Variants in TTC39B observed in about 807,000 individuals in gnomAD.
The protein encoded by TTC39B is tetratricopeptide repeat protein 39B.
Under a neutral mutation model 96.6 loss-of-function variants are expected in TTC39B, and 92 were observed. That is an observed-to-expected ratio of 0.95 (90% CI 0.80 to 1.13). The LOEUF is 1.13. Among genes scored for constraint, TTC39B ranks in the 50% most tolerant of loss-of-function variants. The pLI, the probability that TTC39B is intolerant of heterozygous loss-of-function variation, is 0.00. For synonymous variants in TTC39B, 367 were observed against 299.4 expected, an observed-to-expected ratio of 1.23 and a Z score of -2.33; for missense variants, 955 against 809.3, an observed-to-expected ratio of 1.18 and a Z score of -2.18.
intron 1 of TTC39B, among the ~76,000 whole-genome samples, chr9:15,295,157 G>T (rs1477449628): frequency 6.6e-6 from 1 of 152,122 alleles, no homozygotes; most frequent in Non-Finnish European, 1.5e-5. Flanking sequence ...AAGGTCAGAA[G>T]TTTGCTGACC....
At chr9:15,253,479 C>T (rs1033792107) in intron 2 of TTC39B, among the ~76,000 whole-genome samples, 3 of 152,210 alleles carry the variant, frequency 2.0e-5, no homozygotes, top group African/African-American at 4.8e-5. Flanking sequence ...CCATGGGACA[C>T]CTTGGTTTTG....
At chr9:15,171,154 G>C (rs962555829) in exon 20 of TTC39B, 2 of 152,136 alleles carry the variant, frequency 1.3e-5, no homozygotes, top group Admixed American at 1.3e-4. Context: ...GTGCTAGAGA[G>C]ATTAGAAAAC....
rs1236322591 is a variant in TTC39B, at chr9:15,267,911, T to C, written c.275+3A>G. The stretch of plus-strand genomic sequence containing the variant: ...ACATACTTTTTATTATGTTATTACT[T>C]ACATTGAGATGGTTTCCAAGGCATC... On this transcript the variant is annotated splice_donor_region_variant and intron_variant, in intron 2 of 19. Transcript: ENST00000512701. 6.2e-7 allele frequency: 1 copy of C among 1,608,364 alleles called. No individual in the cohort carries two copies. Among genetic ancestry groups the C allele is most frequent in the Non-Finnish European group, 8.5e-7 (1 of 1,177,906 alleles).
chr9:15,261,574 T>C (rs577008478), intron 2 of TTC39B, among the ~76,000 whole-genome samples: 2 of 152,250 alleles, frequency 1.3e-5, no homozygotes, highest in African/African-American at 4.8e-5. Context: ...CCAACTTCAT[T>C]TGTGTCCAGG....
At chr9:15,290,040 C>T (rs886855305) in intron 1 of TTC39B, among the ~76,000 whole-genome samples, 2 of 152,168 alleles carry the variant, frequency 1.3e-5, no homozygotes, top group African/African-American at 2.4e-5. Flanking sequence ...TTATCCTAAT[C>T]ATATATAATG....
In TTC39B at chr9:15,251,700, C is replaced by T. The variant is rs1215115; in HGVS notation, c.275+16214G>A. ...ACACACACACACACACATACATATA[C>T]ATATATATATATATATATATATATA... On this transcript the variant is annotated intron_variant, in intron 2 of 19. Coordinates refer to ENST00000512701, the Ensembl canonical transcript of TTC39B. Among the ~76,000 whole-genome samples the T allele has an allele frequency of 5.2e-3, 514 of 98,206 alleles. 3 individuals are homozygous for T. Among genetic ancestry groups the T allele is most frequent in the Non-Finnish European group, 7.0e-3 (327 of 46,416 alleles). The allele number at this position is 98,206 out of a possible 152,430, so 64.4% of individuals were successfully genotyped here. A position where few individuals can be genotyped will look rare whatever the true frequency, so the allele number is the denominator to read the frequency against.
chr9:15,209,950 T>C lies in TTC39B; in HGVS notation c.691+138A>G, dbSNP rs920000386. 5.2e-5 allele frequency: 34 copies of C among 651,350 alleles called. No homozygotes were observed. In the African/African-American group the frequency reaches 6.2e-4, roughly 12 times the overall value. The allele number at this position is 651,350 out of a possible 1,614,324, so 40.3% of individuals were successfully genotyped here. On this transcript the variant is annotated intron_variant, in intron 6 of 19. Transcript: ENST00000512701. ...CTTCAAAATGAACTATTAACAATGA[T>C]TTCTTCCAGAGGGTGAGTATGATAG...
In TTC39B at chr9:15,212,678, C is replaced by T. The variant is rs1015064102; in HGVS notation, c.483-1281G>A. Among the ~76,000 whole-genome samples, 13 of 152,196 alleles carry T rather than the reference C, an allele frequency of 8.5e-5. No individual in the cohort carries two copies. The East Asian group carries it at 1.7e-3, about 20-fold the overall frequency. On this transcript the variant is annotated intron_variant, in intron 4 of 19. Coordinates refer to ENST00000512701, the Ensembl canonical transcript of TTC39B. ...CCGACCTCAGGTGATCCATCTGCCT[C>T]GGCCTCCCAAAGTGCTGGGATTACA...
At chr9:15,285,223 C>G (rs1287561101) in intron 1 of TTC39B, among the ~76,000 whole-genome samples, 2 of 150,886 alleles carry the variant, frequency 1.3e-5, no homozygotes, top group Admixed American at 1.3e-4. Context: ...GAGCCGAGAT[C>G]ACGCCACTGC....
chr9:15,200,376 CAG>C (rs1162802119), intron 7 of TTC39B, among the ~76,000 whole-genome samples: 1 of 152,194 alleles, frequency 6.6e-6, no homozygotes, highest in Non-Finnish European at 1.5e-5. Context: ...CTTTAGCAGT[CAG>C]AGTCTTTTTA....
At chr9:15,197,759 C>T (rs779551394) in intron 8 of TTC39B, among the ~76,000 whole-genome samples, 3 of 151,836 alleles carry the variant, frequency 2.0e-5, no homozygotes, top group Admixed American at 1.3e-4. Flanking sequence ...GAAGAAAAGA[C>T]ACATTATATA....
intron 1 of TTC39B, among the ~76,000 whole-genome samples, chr9:15,283,772 GA>G (rs1383430451): frequency 5.7e-4 from 86 of 152,178 alleles, no homozygotes; most frequent in Non-Finnish European, 1.3e-4. Context: ...ACAGTAGAGA[GA>G]AAATATTTAA....
At chr9:15,216,629 G>A (rs1041786733) in intron 3 of TTC39B, among the ~76,000 whole-genome samples, 2 of 152,094 alleles carry the variant, frequency 1.3e-5, no homozygotes, top group East Asian at 1.9e-4. Flanking sequence ...CATCTCTACC[G>A]TCCAGTCCAG....
intron 2 of TTC39B, among the ~76,000 whole-genome samples, chr9:15,238,670 C>T (rs1282492065): frequency 6.6e-6 from 1 of 152,140 alleles, no homozygotes; most frequent in African/African-American, 2.4e-5. Flanking sequence ...TGCACACGGA[C>T]TGGAAGAATC....
intron 6 of TTC39B, among the ~76,000 whole-genome samples, chr9:15,206,183 A>T (rs968772227): frequency 1.3e-5 from 2 of 152,196 alleles, no homozygotes; most frequent in African/African-American, 4.8e-5. Flanking sequence ...CATCCCAGGC[A>T]CTCATTGCAT....
intron 2 of TTC39B, among the ~76,000 whole-genome samples, chr9:15,265,933 G>C (rs1586979715): frequency 6.6e-6 from 1 of 152,210 alleles, no homozygotes; most frequent in African/African-American, 2.4e-5. Flanking sequence ...GAGAGTCTGA[G>C]AGACTGTCAC....
intron 6 of TTC39B, among the ~76,000 whole-genome samples, chr9:15,208,884 T>C (rs1366294643): frequency 3.9e-5 from 6 of 152,324 alleles, no homozygotes; most frequent in Admixed American, 1.3e-4. Context: ...ATAATACTCA[T>C]CTAACAAAAT....
chr9:15,285,133 C>T (rs1033022214), intron 1 of TTC39B, among the ~76,000 whole-genome samples: 58 of 151,930 alleles, frequency 3.8e-4, no homozygotes, highest in South Asian at 1.0e-3. Flanking sequence ...GGCGTGGTGG[C>T]GGGCGCCTGT....
chr9:15,280,143 C>T (rs185891485), intron 1 of TTC39B, among the ~76,000 whole-genome samples: 1 of 152,182 alleles, frequency 6.6e-6, no homozygotes, highest in Admixed American at 6.5e-5. Flanking sequence ...AGTAATCGGC[C>T]CACCTTGGCC....
Sources: gnomAD v4.1 joint callset for allele counts (sites outside exome capture counted in the v4.1 genomes callset) on GRCh38, gnomAD v4.1.1 for gene constraint, MANE v1.5 for transcripts, NCBI Gene and HGNC (gene_info 2026-07-23, HGNC 2026-07-21) for gene names.